Variants in OR56A3 observed in about 807,000 individuals in gnomAD.
OR56A3 encodes olfactory receptor family 56 subfamily A member 3, also known as olfactory receptor 56A3.
A neutral mutation model predicts 17.5 loss-of-function variants in OR56A3; 23 were observed. That is an observed-to-expected ratio of 1.32 (90% CI 0.95 to 1.87). The LOEUF (loss-of-function observed/expected upper bound fraction) is 1.87, where lower values mean the gene tolerates loss of function less well. Among genes scored for constraint, OR56A3 ranks in the 40% most tolerant of loss-of-function variants. The pLI, the probability that OR56A3 is intolerant of heterozygous loss-of-function variation, is 0.00. For missense variants in OR56A3, 366 were observed against 380.1 expected (o/e 0.96, Z 0.31); for synonymous variants, 175 against 150.6 (o/e 1.16, Z -1.19).
chr11:5,974,108 T>TC, the OR56A3 span, among the ~76,000 whole-genome samples: 2 of 101,302 alleles, frequency 2.0e-5, no homozygotes, highest in African/African-American at 4.4e-5. Context: ...TTTATTAAAC[T>TC]CTTTTTTTTT....
the OR56A3 span, among the ~76,000 whole-genome samples, chr11:5,969,367 T>G: frequency 3.3e-5 from 5 of 152,252 alleles, no homozygotes; most frequent in Non-Finnish European, 7.3e-5. Context: ...TTCTCTCAGA[T>G]AACCTCTCTA....
the OR56A3 span, chr11:5,993,892 G>T: frequency 3.9e-6 from 2 of 511,320 alleles, no homozygotes; most frequent in South Asian, 1.6e-5. Context: ...TCAGAACTTT[G>T]GTGTCATTGG....
chr11:5,981,198 A>G, the OR56A3 span, among the ~76,000 whole-genome samples: 1 of 152,256 alleles, frequency 6.6e-6, no homozygotes, highest in East Asian at 1.9e-4. Flanking sequence ...CCTGAATTTG[A>G]ATGTCAAACT....
the OR56A3 span, among the ~76,000 whole-genome samples, chr11:5,972,961 ATCC>A: frequency 1.3e-5 from 2 of 152,210 alleles, no homozygotes; most frequent in African/African-American, 4.8e-5. Flanking sequence ...TACACAGACC[ATCC>A]TCCTAAACAT....
the OR56A3 span, chr11:5,986,813 C>T: frequency 1.2e-6 from 2 of 1,614,012 alleles, no homozygotes; most frequent in East Asian, 2.2e-5. Context: ...TGCTGGCTTT[C>T]CTCTAAACCT....
rs1847868776 is a variant in OR56A3, at chr11:5,946,237, C to T, written c.-36-1074C>T. On this transcript the variant is annotated intron_variant, in intron 2 of 2. Coordinates refer to ENST00000641160, the MANE Select transcript of OR56A3 (RefSeq NM_001003443.3). ...CTATGTCACACTCAACTCTCCTCTGCAGTCTCCTAATAATTTGTGCATATC... is the reference window on the plus strand; with the variant it reads ...CTATGTCACACTCAACTCTCCTCTGTAGTCTCCTAATAATTTGTGCATATC... Among the ~76,000 whole-genome samples, 3 of 152,240 alleles carry T rather than the reference C, an allele frequency of 2.0e-5. No homozygotes were observed. In the South Asian group the frequency reaches 6.2e-4, roughly 31 times the overall value.
chr11:6,015,077 C>T, the OR56A3 span, among the ~76,000 whole-genome samples: 2 of 142,794 alleles, frequency 1.4e-5, no homozygotes, highest in African/African-American at 2.6e-5. Flanking sequence ...GAAAAATTTG[C>T]AGCCTGGCCA....
In OR56A3 at chr11:5,947,530, C is replaced by T; in HGVS notation, c.184C>T (p.Pro62Ser). The part of the protein sequence containing the change: ...TIWLEASLHQ[P>S]LYYLLSLLSL... The stretch of plus-strand genomic sequence containing the variant: ...CTGGCTGGAGGCCTCTCTGCACCAG[C>T]CCCTGTACTACCTGCTCAGCCTCCT... Residue 62 changes from proline to serine, a missense_variant, in exon 3 of 3, where the codon CCC becomes TCC. Physicochemically the swap from Pro to Ser is moderately conservative, Grantham distance 74. Coordinates refer to ENST00000641160, the MANE Select transcript of OR56A3 (RefSeq NM_001003443.3). 6.2e-7 allele frequency: 1 copy of T among 1,614,036 alleles called. No individual in the cohort carries two copies. The highest frequency in any genetic ancestry group is 8.5e-7 in the Non-Finnish European group (1 of 1,179,930).
At chr11:5,946,572 T>A (rs1372924887) in intron 2 of OR56A3, among the ~76,000 whole-genome samples, 2 of 152,226 alleles carry the variant, frequency 1.3e-5, no homozygotes, top group Non-Finnish European at 2.9e-5. Context: ...CAATTTTTCA[T>A]CATGTCTAAT....
chr11:6,018,012 C>T, the OR56A3 span, among the ~76,000 whole-genome samples: 28 of 136,560 alleles, frequency 2.1e-4, no homozygotes, highest in Non-Finnish European at 3.1e-4. Flanking sequence ...ATTCAGCAAG[C>T]AAATATAACA....
the OR56A3 span, among the ~76,000 whole-genome samples, chr11:5,970,593 G>A: frequency 1.3e-5 from 2 of 151,758 alleles, no homozygotes; most frequent in African/African-American, 4.8e-5. Flanking sequence ...AGAACAGTAT[G>A]TATTAATGCA....
At chr11:5,956,429 C>T in the OR56A3 span, among the ~76,000 whole-genome samples, 14 of 152,116 alleles carry the variant, frequency 9.2e-5, no homozygotes, top group Admixed American at 5.2e-4. Flanking sequence ...GACATCCTAA[C>T]ACAATTATGT....
chr11:5,982,494 C>T, the OR56A3 span, among the ~76,000 whole-genome samples: 587 of 152,222 alleles, frequency 3.9e-3, 7 homozygotes, highest in African/African-American at 0.014. Flanking sequence ...GCAACTGAGG[C>T]TGTGATGAAG....
At chr11:6,015,687 C>A in the OR56A3 span, among the ~76,000 whole-genome samples, 1 of 152,182 alleles carries the variant, frequency 6.6e-6, no homozygotes, top group Non-Finnish European at 1.5e-5. Flanking sequence ...TATTCTGGAG[C>A]TTTAAGGCTT....
At chr11:5,958,850 T>C in the OR56A3 span, among the ~76,000 whole-genome samples, 3 of 152,208 alleles carry the variant, frequency 2.0e-5, no homozygotes, top group Admixed American at 2.0e-4. Context: ...TCAGCTTTTT[T>C]AGATTCCACA....
At chr11:5,993,995 G>A in the OR56A3 span, 1 of 452,680 alleles carries the variant, frequency 2.2e-6, no homozygotes, top group Non-Finnish European at 4.4e-6. Context: ...CAACAACCAA[G>A]ATTGAAATCT....
chr11:5,985,489 G>C, the OR56A3 span, among the ~76,000 whole-genome samples: 79 of 152,278 alleles, frequency 5.2e-4, no homozygotes, highest in African/African-American at 1.8e-3. Flanking sequence ...GCTTTGAAGA[G>C]ACCCTATTGG....
chr11:6,013,264 T>C, the OR56A3 span, among the ~76,000 whole-genome samples: 2 of 152,186 alleles, frequency 1.3e-5, no homozygotes, highest in Non-Finnish European at 2.9e-5. Context: ...AGGCCCTTGC[T>C]GGGCACAGGC....
At chr11:5,977,654 T>G in the OR56A3 span, among the ~76,000 whole-genome samples, 5 of 152,222 alleles carry the variant, frequency 3.3e-5, no homozygotes, top group Admixed American at 3.3e-4. Flanking sequence ...TTTCTCCTAT[T>G]ATGTAGGTTA....
Sources: allele counts gnomAD v4.1 joint callset (sites outside exome capture counted in the v4.1 genomes callset), GRCh38; gene constraint gnomAD v4.1.1; transcripts MANE v1.5; gene names NCBI Gene and HGNC (gene_info 2026-07-23, HGNC 2026-07-21).